The following DDX60 variants were observed in gnomAD, a reference collection of about 807,000 sequenced individuals.
DDX60 encodes the protein DExD/H-box helicase 60.
Under a neutral mutation model 212.8 loss-of-function variants are expected in DDX60, and 165 were observed. The observed-to-expected ratio is 0.78, with a 90% CI of 0.68 to 0.88. The LOEUF (loss-of-function observed/expected upper bound fraction) is 0.88. Ranked by LOEUF, DDX60 falls within the 40% of genes least tolerant of loss-of-function variation. The probability of loss-of-function intolerance (pLI) is 0.00; values close to 1 mark genes in which losing one functional copy is unlikely to be tolerated. For missense variants in DDX60, 1,905 were observed against 2,003.9 expected (o/e 0.95, Z 0.94); for synonymous variants, 703 against 685.3 (o/e 1.03, Z -0.40).
chr4:168,251,369 A>C (rs2271710), intron 27 of DDX60, among the ~76,000 whole-genome samples: 9,209 of 152,262 alleles, frequency 0.06, 458 homozygotes, highest in East Asian at 0.15. Flanking sequence ...ATAAAACACC[A>C]AGTGGTGGTG....
chr4:168,306,604 T>C lies in DDX60; in HGVS notation c.381A>G (p.Leu127=). 6.2e-7 allele frequency: 1 copy of C among 1,614,160 alleles called. No individual in the cohort carries two copies. Among genetic ancestry groups the C allele is most frequent in the Non-Finnish European group, 8.5e-7 (1 of 1,179,992 alleles). The change falls in exon 5 of 38, where the codon TTA becomes TTG. Residue 127 remains leucine (L), a synonymous_variant. Coordinates refer to ENST00000393743, the MANE Select transcript of DDX60 (RefSeq NM_017631.6). ...CCAAGAAACTTCCCCACTCTTTTGA[T>C]AAGCATCTCGAAAATGTTGTTCGAA... ...IDVRTTFSRC[L]SKEWGSFLEE... is the part of the protein sequence containing the mutation.
At chr4:168,240,658 C>T (rs1733806497) in intron 30 of DDX60, among the ~76,000 whole-genome samples, 1 of 152,102 alleles carries the variant, frequency 6.6e-6, no homozygotes, top group East Asian at 1.9e-4. Flanking sequence ...ACATTTACAA[C>T]CATCTGATCT....
intron 10 of DDX60, among the ~76,000 whole-genome samples, chr4:168,286,387 T>TACACACACACAC (rs1735849914): frequency 2.8e-5 from 2 of 71,828 alleles, no homozygotes; most frequent in Non-Finnish European, 5.1e-5. Context: ...TCCTTGATTT[T>TACACACACACAC]ATACACACAC....
chr4:168,280,717 A>G, intron 13 of DDX60, 127 bp from the exon 14 acceptor site: 1 of 1,104,202 alleles, frequency 9.1e-7, no homozygotes, highest in East Asian at 2.6e-5. Context: ...GTAGATGTGA[A>G]AAATTTCTTT....
At chr4:168,251,468 AGAG>A (rs1166376479) in intron 27 of DDX60, among the ~76,000 whole-genome samples, 10 of 152,374 alleles carry the variant, frequency 6.6e-5, no homozygotes, top group Middle Eastern at 3.4e-3. Flanking sequence ...CCAAGAAGGC[AGAG>A]GAGGTTCCTT....
chr4:168,280,182 T>C (rs1038625298), intron 14 of DDX60, among the ~76,000 whole-genome samples, 153 bp downstream of exon 14: 1 of 152,174 alleles, frequency 6.6e-6, no homozygotes, highest in African/African-American at 2.4e-5. Flanking sequence ...CCCCGGCAGG[T>C]AGCGGGAAAC....
rs1308760097 is a variant in DDX60, at chr4:168,274,082, C to G, written c.2306G>C (p.Arg769Pro). Residue 769 changes from arginine (R) to proline (P), a missense_variant and splice_region_variant, in exon 17 of 38, where the codon CGA (arginine) becomes CCA (proline). Transcript: ENST00000393743. ...VQDFIPDTWQ[R>P]ELLDVVDKNE... ...CTTATCCACAACATCAAGGAGCTCT[C>G]GCTGCAGGGTGCAGAGTACCATTCA... 3 of 1,614,120 alleles carry G rather than the reference C, an allele frequency of 1.9e-6. No individual in the cohort carries two copies. The highest frequency in any genetic ancestry group is 2.5e-6 in the Non-Finnish European group (3 of 1,179,982).
chr4:168,255,129 A>T (rs1327525592), intron 26 of DDX60, among the ~76,000 whole-genome samples: 1 of 152,220 alleles, frequency 6.6e-6, no homozygotes, highest in African/African-American at 2.4e-5. Flanking sequence ...CTTCTAAGCC[A>T]GGAAGTTACT....
At position 168,311,020 on chromosome 4, in the gene DDX60, A is replaced by G. The variant is rs1737107067; in HGVS notation, c.52T>C (p.Leu18=). 1 of 1,577,500 alleles carries G rather than the reference A, an allele frequency of 6.3e-7. No individual in the cohort carries two copies. The highest frequency in any genetic ancestry group is 8.7e-7 in the Non-Finnish European group (1 of 1,149,854). The change falls in exon 3 of 38, where the codon TTG becomes CTG. Residue 18 remains leucine, a synonymous_variant. Coordinates refer to ENST00000393743, the MANE Select transcript of DDX60 (RefSeq NM_017631.6). ...TFSQEMSQLI[L]NEMPKAEYSS... is the part of the protein sequence containing the mutation. ...CACTCAGCTTTTGGCATTTCATTCAAAATTAACTGGGACATTTCCTGTGAA... is the reference window on the plus strand; with the variant it reads ...CACTCAGCTTTTGGCATTTCATTCAGAATTAACTGGGACATTTCCTGTGAA...
At position 168,222,782 on chromosome 4, in the gene DDX60, A is replaced by G. The variant is rs370414409; in HGVS notation, c.4825-901T>C. On this transcript the variant is annotated intron_variant, in intron 35 of 37. Transcript: ENST00000393743. ...AAAATTATTTTAACCCAGAAAATCA[A>G]TACCTAAGAGAAACTATTGCACATA... 7.9e-5 allele frequency among the ~76,000 whole-genome samples: 12 copies of G among 152,176 alleles called. No individual in the cohort carries two copies. The East Asian group carries it at 9.6e-4, about 12-fold the overall frequency.
At chr4:168,285,933 AAGGAAGGG>A (rs1553969489) in intron 10 of DDX60, among the ~76,000 whole-genome samples, 2 of 91,290 alleles carry the variant, frequency 2.2e-5, no homozygotes, top group Non-Finnish European at 4.6e-5. Context: ...GGAAGGAAGG[AAGGAAGGG>A]AGGAAGGGAG....
intron 30 of DDX60, among the ~76,000 whole-genome samples, chr4:168,239,010 C>T (rs1450608965): frequency 6.6e-6 from 1 of 152,070 alleles, no homozygotes; most frequent in East Asian, 1.9e-4. Context: ...CATCCTATTG[C>T]TTGGCAAACC....
At chr4:168,290,475 C>T (rs956168839) in intron 8 of DDX60, among the ~76,000 whole-genome samples, 1 of 151,812 alleles carries the variant, frequency 6.6e-6, no homozygotes, top group African/African-American at 2.4e-5. Context: ...ACTACAGGTG[C>T]CTACCACCAT....
At position 168,260,985 on chromosome 4, in the gene DDX60, C is replaced by T. The variant is rs774144654; in HGVS notation, c.3278G>A (p.Arg1093Lys). ...WIKNGNVEQA[R>K]MVLQNLSPEA... ...AGGACTAAGATTCTGAAGTACCATT[C>T]TGGCCTGTAGTGGTGAATACAAAAC... The change falls in exon 25 of 38, where the codon AGA becomes AAA. Residue 1093 changes from arginine to lysine, a missense_variant. Physicochemically the swap from Arg to Lys is conservative, Grantham distance 26. Transcript: ENST00000393743. 6.2e-7 allele frequency: 1 copy of T among 1,612,208 alleles called. No homozygotes were observed. Among genetic ancestry groups the T allele is most frequent in the Admixed American group, 1.7e-5 (1 of 59,602 alleles).
At chr4:168,313,766 C>G (rs534716188) in intron 1 of DDX60, among the ~76,000 whole-genome samples, 5 of 152,078 alleles carry the variant, frequency 3.3e-5, no homozygotes. Context: ...AATAGCTAAC[C>G]GTTTCATTTA....
intron 25 of DDX60, among the ~76,000 whole-genome samples, chr4:168,259,647 G>A (rs1734546842): frequency 6.6e-6 from 1 of 150,732 alleles, no homozygotes; most frequent in African/African-American, 2.4e-5. Flanking sequence ...AAAGTAAATA[G>A]AGTATTGTGT....
chr4:168,325,065 A>C, the DDX60 span, among the ~76,000 whole-genome samples: 1 of 152,196 alleles, frequency 6.6e-6, no homozygotes, highest in African/African-American at 2.4e-5. Context: ...TTCTGGTTGG[A>C]TAGAATCAGT....
chr4:168,255,743 T>G lies in DDX60; in HGVS notation c.3525A>C (p.Lys1175Asn). 1 of 1,591,546 alleles carries G rather than the reference T, an allele frequency of 6.3e-7. No homozygotes were observed. The highest frequency in any genetic ancestry group is 1.4e-5 in the African/African-American group (1 of 73,100). Residue 1175 changes from lysine to asparagine, a missense_variant, in exon 26 of 38, where the codon AAA becomes AAC. Physicochemically the swap from Lys to Asn is moderately conservative, Grantham distance 94 (BLOSUM62 0). Coordinates refer to ENST00000393743, the MANE Select transcript of DDX60 (RefSeq NM_017631.6). ...TTTGTTTCTCTATGGATTTTTTAAC[T>G]TTTCGAAGTTTGTTAGCCATGACAT... is the stretch of plus-strand genomic sequence containing the variant. ...EAHVMANKLR[K>N]VKKSIEKQKI...
At chr4:168,299,481 T>A (rs1447056413) in intron 6 of DDX60, among the ~76,000 whole-genome samples, 1 of 149,686 alleles carries the variant, frequency 6.7e-6, no homozygotes, top group African/African-American at 2.5e-5. Flanking sequence ...CAAAATAAAT[T>A]AAAAAATCAA....
Sources: allele counts gnomAD v4.1 joint callset (sites outside exome capture counted in the v4.1 genomes callset), GRCh38; gene constraint gnomAD v4.1.1; transcripts MANE v1.5; gene names NCBI Gene and HGNC (gene_info 2026-07-23, HGNC 2026-07-21).